LYRM4: variants seen among roughly 807,000 people sequenced by gnomAD.
The protein encoded by LYRM4 is LYR motif-containing protein 4.
A neutral mutation model predicts 11.7 loss-of-function variants in LYRM4; 9 were observed. That is an observed-to-expected ratio of 0.77 (90% CI 0.46 to 1.34). LYRM4 has a LOEUF of 1.34. LYRM4 is among the 40% of genes most tolerant of loss of function. The pLI, the probability that LYRM4 is intolerant of heterozygous loss-of-function variation, is 0.00. For synonymous variants in LYRM4, 42 were observed against 40.4 expected, an observed-to-expected ratio of 1.04 and a Z score of -0.15; for missense variants, 133 against 112.5, an observed-to-expected ratio of 1.18 and a Z score of -0.82.
chr6:5,153,248 C>T (rs538610007), intron 2 of LYRM4, among the ~76,000 whole-genome samples: 90 of 152,254 alleles, frequency 5.9e-4, no homozygotes, highest in African/African-American at 2.1e-3. Context: ...TGCACCAACA[C>T]GCCTGGCTAA....
At chr6:5,111,699 T>C (rs367841565) in intron 2 of LYRM4, among the ~76,000 whole-genome samples, 52 of 152,320 alleles carry the variant, frequency 3.4e-4, no homozygotes, top group African/African-American at 1.3e-3. Flanking sequence ...CCACATGTTC[T>C]GCTTCTGGCA....
chr6:5,179,923 T>A (rs900722355), intron 2 of LYRM4, among the ~76,000 whole-genome samples: 2 of 152,260 alleles, frequency 1.3e-5, no homozygotes, highest in African/African-American at 4.8e-5. Context: ...AATAATTTCT[T>A]ACTGTGCCTA....
intron 1 of LYRM4, among the ~76,000 whole-genome samples, chr6:5,253,015 C>A (rs1044805527): frequency 1.3e-5 from 2 of 152,186 alleles, no homozygotes; most frequent in Non-Finnish European, 2.9e-5. Flanking sequence ...AGACCAGCTC[C>A]TTTCTATGGC....
intron 2 of LYRM4, among the ~76,000 whole-genome samples, chr6:5,135,651 G>A (rs1306148282): frequency 2.0e-5 from 3 of 152,112 alleles, no homozygotes. Context: ...CTCCAAAGAC[G>A]AGAACTTTCT....
chr6:5,210,325 T>G (rs1761927073), intron 2 of LYRM4, among the ~76,000 whole-genome samples: 1 of 152,182 alleles, frequency 6.6e-6, no homozygotes, highest in Non-Finnish European at 1.5e-5. Context: ...GAAATTACAG[T>G]ATAATCCTTT....
chr6:5,117,069 T>C (rs948859760), intron 2 of LYRM4, among the ~76,000 whole-genome samples: 16 of 152,188 alleles, frequency 1.1e-4, no homozygotes, highest in African/African-American at 3.4e-4. Flanking sequence ...TTCGCAGAGT[T>C]GTTATGGGAA....
At chr6:5,085,450 GGTTCGGCCCGA>G in the LYRM4 span, 1 of 1,464,098 alleles carries the variant, frequency 6.8e-7, no homozygotes, top group Non-Finnish European at 9.2e-7. Context: ...AGAGGGGCCC[GGTTCGGCCCGA>G]GCAAGTCCAG....
chr6:5,223,340 C>T (rs1762694830), intron 1 of LYRM4, among the ~76,000 whole-genome samples: 1 of 152,152 alleles, frequency 6.6e-6, no homozygotes, highest in African/African-American at 2.4e-5. Flanking sequence ...GTACTTGATA[C>T]ATATTGATCT....
chr6:5,086,088 C>A, the LYRM4 span: 1 of 1,467,888 alleles, frequency 6.8e-7, no homozygotes, highest in Non-Finnish European at 8.9e-7. Context: ...GGCCGCTCTT[C>A]CAGCTCCCGG....
At chr6:5,255,525 C>T (rs115386857) in intron 1 of LYRM4, among the ~76,000 whole-genome samples, 3,012 of 151,828 alleles carry the variant, frequency 0.02, 89 homozygotes, top group African/African-American at 0.069. Flanking sequence ...ATGATAAATG[C>T]GTCCCACATA....
intron 1 of LYRM4, among the ~76,000 whole-genome samples, chr6:5,243,347 C>T (rs1384558325): frequency 1.3e-5 from 2 of 152,312 alleles, no homozygotes; most frequent in South Asian, 2.1e-4. Context: ...AAGGACTCTG[C>T]GAACAGGAAA....
chr6:5,061,715 G>A, the LYRM4 span, among the ~76,000 whole-genome samples: 1 of 152,176 alleles, frequency 6.6e-6, no homozygotes, highest in Admixed American at 6.5e-5. Flanking sequence ...AGGAAGTCTT[G>A]TACTGTTCTA....
intron 1 of LYRM4, among the ~76,000 whole-genome samples, chr6:5,221,910 A>T (rs578236210): frequency 1.3e-5 from 2 of 151,572 alleles, no homozygotes; most frequent in Non-Finnish European, 2.9e-5. Flanking sequence ...TACTTCTCCA[A>T]CTCCTCAGCC....
At position 5,118,094 on chromosome 6, in the gene LYRM4, A is replaced by ATTTTT. The variant is rs1554126847; in HGVS notation, c.208-8608_208-8604dup. Among the ~76,000 whole-genome samples the ATTTTT allele has an allele frequency of 2.6e-4, 22 of 86,132 alleles. 1 individual carries two copies. Among genetic ancestry groups the ATTTTT allele is most frequent in the African/African-American group, 7.8e-4 (20 of 25,612 alleles). The allele number at this position is 86,132 out of a possible 152,430, so 56.5% of individuals were successfully genotyped here. A position where few individuals can be genotyped will look rare whatever the true frequency, so the allele number is the denominator to read the frequency against. ...TCACCAAAACAATATATATATATAT[A>ATTTTT]TTTTTGTTTTGTTTTGTTTTGTTTT... On this transcript the variant is annotated intron_variant, in intron 2 of 2. Transcript: ENST00000330636.
intron 1 of LYRM4, among the ~76,000 whole-genome samples, chr6:5,243,021 C>T (rs972969646): frequency 1.3e-5 from 2 of 152,006 alleles, no homozygotes; most frequent in African/African-American, 4.8e-5. Context: ...GATCCACCCG[C>T]CTCGGCCTCC....
chr6:5,126,614 T>C (rs1344403509), intron 2 of LYRM4, among the ~76,000 whole-genome samples: 1 of 152,106 alleles, frequency 6.6e-6, no homozygotes, highest in Non-Finnish European at 1.5e-5. Flanking sequence ...ATAAATAAAA[T>C]GTGGTATGTT....
intron 2 of LYRM4, among the ~76,000 whole-genome samples, chr6:5,180,075 T>C (rs971390150): frequency 3.3e-4 from 50 of 152,176 alleles, no homozygotes; most frequent in African/African-American, 1.1e-3. Flanking sequence ...AAATAATGAC[T>C]CAGCTAAATA....
chr6:5,086,115 C>T, the LYRM4 span: 1 of 1,464,716 alleles, frequency 6.8e-7, no homozygotes, highest in Non-Finnish European at 8.9e-7. Context: ...GCGCCGCGGC[C>T]GAGCGTCTGC....
downstream of LYRM4, chr6:5,107,908 A>C (rs1270493542): frequency 6.6e-6 from 1 of 152,220 alleles, no homozygotes; most frequent in Non-Finnish European, 1.5e-5. Flanking sequence ...CGGGAGGCTG[A>C]GGCAGGAGAA....
Sources: allele counts gnomAD v4.1 joint callset (sites outside exome capture counted in the v4.1 genomes callset), GRCh38; gene constraint gnomAD v4.1.1; transcripts MANE v1.5; gene names NCBI Gene and HGNC (gene_info 2026-07-23, HGNC 2026-07-21).